Variants in FNIP2 observed in about 807,000 individuals in gnomAD.
FNIP2 encodes the protein folliculin interacting protein 2, also known as folliculin-interacting protein 2.
In FNIP2, 32 loss-of-function variants were observed where a neutral mutation model predicts 108.7. The ratio of observed to expected loss-of-function variants is 0.29; its 90% confidence interval spans 0.22 to 0.40. The LOEUF (loss-of-function observed/expected upper bound fraction) is 0.40. FNIP2 is among the 10% of genes least tolerant of loss of function. The pLI is 1.00. For missense variants in FNIP2, 1,202 were observed against 1,381.6 expected, an observed-to-expected ratio of 0.87 and a Z score of 2.06; for synonymous variants, 480 against 496.7, an observed-to-expected ratio of 0.97 and a Z score of 0.45.
At position 158,896,746 on chromosome 4, in the gene FNIP2, T is replaced by C. The variant is rs1450822756; in HGVS notation, c.3266+881T>C. ...TTTCCCCCTTATGAGGTGTTTGCTT[T>C]TGCAGTTAACTTGCAACATGTCTCT... On this transcript the variant is annotated intron_variant, in intron 16 of 16. Transcript: ENST00000264433. 2.0e-5 allele frequency among the ~76,000 whole-genome samples: 3 copies of C among 152,110 alleles called. No homozygotes were observed. In the South Asian group the frequency reaches 6.2e-4, roughly 31 times the overall value.
intron 1 of FNIP2, among the ~76,000 whole-genome samples, chr4:158,824,718 A>G (rs950798625): frequency 6.6e-6 from 1 of 152,068 alleles, no homozygotes; most frequent in Admixed American, 6.5e-5. Flanking sequence ...TTGGCTTCTC[A>G]TGGAGGGAGA....
chr4:158,894,438 C>T (rs1578995246), intron 15 of FNIP2, among the ~76,000 whole-genome samples: 1 of 152,052 alleles, frequency 6.6e-6, no homozygotes, highest in East Asian at 1.9e-4. Flanking sequence ...TCCCAAAGTG[C>T]TAGGATTACA....
intron 14 of FNIP2, among the ~76,000 whole-genome samples, chr4:158,883,071 A>T (rs1781780381): frequency 6.6e-6 from 1 of 151,822 alleles, no homozygotes. Context: ...CTATCACCCA[A>T]AAAAAATAAA....
Position 158,905,327 on chromosome 4 carries a change from CTTATATT to C in FNIP2, c.*787_*793del, listed in dbSNP as rs1323976327. 1 of 152,156 alleles carries C rather than the reference CTTATATT, an allele frequency of 6.6e-6. No homozygotes were observed. Among genetic ancestry groups the C allele is most frequent in the Non-Finnish European group, 1.5e-5 (1 of 68,022 alleles). The allele number at this position is 152,156 out of a possible 1,614,324, so 9.4% of individuals were successfully genotyped here. ...ACAGTCTGAAACCGTATGTTTTATC[CTTATATT>C]TTAGAGCTTTCAGCAGCCTTTTTAA... On this transcript the variant is annotated 3_prime_UTR_variant, in exon 17 of 17. Transcript: ENST00000264433.
chr4:158,787,935 G>A (rs540158209), intron 1 of FNIP2, among the ~76,000 whole-genome samples: 3 of 152,224 alleles, frequency 2.0e-5, no homozygotes, highest in Non-Finnish European at 4.4e-5. Flanking sequence ...TTCTTTGTTT[G>A]GAACTTGGCT....
intron 12 of FNIP2, among the ~76,000 whole-genome samples, chr4:158,867,875 C>T (rs961581627): frequency 1.3e-5 from 2 of 152,180 alleles, no homozygotes; most frequent in South Asian, 2.1e-4. Context: ...CACAGCAGCA[C>T]GACTCCCACA....
intron 1 of FNIP2, among the ~76,000 whole-genome samples, chr4:158,812,463 G>A (rs1196875184): frequency 6.6e-6 from 1 of 152,112 alleles, no homozygotes; most frequent in Non-Finnish European, 1.5e-5. Context: ...AGGGTATTCT[G>A]TAGCTGACTG....
chr4:158,815,468 C>T (rs928478362), intron 1 of FNIP2, among the ~76,000 whole-genome samples: 37 of 151,758 alleles, frequency 2.4e-4, no homozygotes, highest in Middle Eastern at 3.4e-3. Flanking sequence ...CTGCAAGCTC[C>T]GCCTCTCGGG....
chr4:158,789,087 A>G (rs1203876451), intron 1 of FNIP2, among the ~76,000 whole-genome samples: 1 of 152,218 alleles, frequency 6.6e-6, no homozygotes, highest in East Asian at 1.9e-4. Context: ...CCTAAAGGAA[A>G]AGGGGAGAAG....
intron 1 of FNIP2, among the ~76,000 whole-genome samples, chr4:158,778,628 A>G (rs1379757799): frequency 6.6e-6 from 1 of 152,130 alleles, no homozygotes; most frequent in African/African-American, 2.4e-5. Context: ...TTTTATTATT[A>G]GTTATTGTTG....
In FNIP2 at chr4:158,861,349, A is replaced by G. The variant is rs959938523; in HGVS notation, c.1156A>G (p.Ile386Val). ...TCTCTTTCTGTTCTATAGAGGAACT[A>G]TCTGGAACTTATATTCTGTTCCAAG... ...MEALGEFRGT[I>V]WNLYSVPRIA... Residue 386 changes from isoleucine (I) to valine (V), a missense_variant, in exon 11 of 17, where the codon ATC becomes GTC. Around this residue, in one of 5 missense-constraint regions of FNIP2, gnomAD observed 878 missense variants for 990.3 expected, o/e 0.89. Coordinates refer to ENST00000264433, the MANE Select transcript of FNIP2 (RefSeq NM_020840.3). The G allele has an allele frequency of 6.8e-6, 11 of 1,613,414 alleles. No individual in the cohort carries two copies. The South Asian group carries it at 7.7e-5, about 11-fold the overall frequency.
At chr4:158,848,981 T>C (rs758558228) in intron 7 of FNIP2, among the ~76,000 whole-genome samples, 2 of 152,130 alleles carry the variant, frequency 1.3e-5, no homozygotes, top group Non-Finnish European at 2.9e-5. Context: ...GTTGATCTTA[T>C]AGTCACAGAC....
chr4:158,897,237 A>G (rs1461436049), intron 16 of FNIP2, among the ~76,000 whole-genome samples: 1 of 152,134 alleles, frequency 6.6e-6, no homozygotes, highest in African/African-American at 2.4e-5. Context: ...TATCCAGTCT[A>G]TCATTGATGG....
At chr4:158,850,150 A>G (rs905123538) in intron 7 of FNIP2, among the ~76,000 whole-genome samples, 4 of 152,220 alleles carry the variant, frequency 2.6e-5, no homozygotes, top group African/African-American at 9.6e-5. Context: ...TATAAATGTA[A>G]TAGTTCATGT....
intron 16 of FNIP2, among the ~76,000 whole-genome samples, chr4:158,904,145 A>C (rs1729615359): frequency 6.6e-6 from 1 of 152,216 alleles, no homozygotes; most frequent in Non-Finnish European, 1.5e-5. Context: ...AGTATGATAC[A>C]ATGAAGTTAT....
chr4:158,872,057 G>A (rs181194002), intron 14 of FNIP2: 1 of 984,968 alleles, frequency 1.0e-6, no homozygotes, highest in African/African-American at 1.7e-5. Flanking sequence ...ATTGGTGTTG[G>A]TTATTGGACC....
At chr4:158,883,000 A>C (rs1017903027) in intron 14 of FNIP2, among the ~76,000 whole-genome samples, 4 of 152,106 alleles carry the variant, frequency 2.6e-5, no homozygotes, top group African/African-American at 9.7e-5. Context: ...CAATTAAAAA[A>C]AAAAAGCAAA....
At chr4:158,799,048 A>G (rs915713901) in intron 1 of FNIP2, among the ~76,000 whole-genome samples, 3 of 152,218 alleles carry the variant, frequency 2.0e-5, no homozygotes, top group Admixed American at 6.5e-5. Context: ...ATAGGTGTGT[A>G]GTTGGTTAGA....
intron 14 of FNIP2, among the ~76,000 whole-genome samples, chr4:158,877,003 T>TTTTA: frequency 6.6e-6 from 1 of 152,340 alleles, no homozygotes; most frequent in East Asian, 1.9e-4. Flanking sequence ...TCCCAAAATG[T>TTTTA]TTTACTACCT....
Sources: gnomAD v4.1 joint callset for allele counts (sites outside exome capture counted in the v4.1 genomes callset) on GRCh38, gnomAD v4.1.1 for gene constraint, gnomAD v4.1.1 regional missense constraint, MANE v1.5 for transcripts, NCBI Gene and HGNC (gene_info 2026-07-23, HGNC 2026-07-21) for gene names.